Variants in FANCD2 observed in about 807,000 individuals in gnomAD.
The protein encoded by FANCD2 is FA complementation group D2.
A neutral mutation model predicts 192.3 loss-of-function variants in FANCD2; 131 were observed. That is an observed-to-expected ratio of 0.68 (90% CI 0.59 to 0.79). The LOEUF is 0.79. Ranked by LOEUF, FANCD2 falls within the 30% of genes least tolerant of loss-of-function variation. The pLI is 0.00. For missense variants in FANCD2, 1,508 were observed against 1,701.6 expected (o/e 0.89, Z 2.00); for synonymous variants, 524 against 612.5 (o/e 0.86, Z 2.13).
chr3:10,064,719 T>C lies in FANCD2; in HGVS notation c.2022-10T>C. On this transcript the variant is annotated splice_polypyrimidine_tract_variant and intron_variant, in intron 22 of 43. Coordinates refer to ENST00000675286, the MANE Select transcript of FANCD2 (RefSeq NM_001018115.3). ...GAGCTGCAACATCAGATTCTGGTTT[T>C]TCTCCGCAGTGACTTTCCATTTCCT... 2 of 1,614,120 alleles carry C rather than the reference T, an allele frequency of 1.2e-6. No individual in the cohort carries two copies. Among genetic ancestry groups the C allele is most frequent in the Non-Finnish European group, 1.7e-6 (2 of 1,179,988 alleles).
intron 18 of FANCD2, among the ~76,000 whole-genome samples, chr3:10,057,481 C>G (rs946131754): frequency 1.8e-4 from 27 of 152,136 alleles, no homozygotes; most frequent in African/African-American, 6.5e-4. Flanking sequence ...TCTCCTGCCT[C>G]AGCCTCCCGT....
chr3:10,098,748 A>G lies in FANCD2; in HGVS notation c.4214A>G (p.Gln1405Arg), dbSNP rs746871581. 6.2e-7 allele frequency: 1 copy of G among 1,614,086 alleles called. No homozygotes were observed. The highest frequency in any genetic ancestry group is 1.3e-5 in the African/African-American group (1 of 74,932). The change falls in exon 43 of 44, where the codon CAG (glutamine) becomes CGG (arginine). Residue 1405 changes from glutamine to arginine, a missense_variant. Transcript: ENST00000675286. ...QGEEIKSQNS[Q>R]ESTADESEDD... ...GAAGAGATTAAGTCCCAAAATTCCC[A>G]GGAGAGCACAGCAGATGAGAGTGAG...
intron 32 of FANCD2, among the ~76,000 whole-genome samples, chr3:10,084,751 C>T (rs1202916170): frequency 6.6e-6 from 1 of 152,170 alleles, no homozygotes; most frequent in Non-Finnish European, 1.5e-5. Flanking sequence ...GAAGATGCTT[C>T]TAGAGGAGAA....
intron 29 of FANCD2, among the ~76,000 whole-genome samples, chr3:10,077,331 CG>C (rs1331095529): frequency 7.1e-6 from 1 of 140,956 alleles, no homozygotes; most frequent in Non-Finnish European, 1.5e-5. Flanking sequence ...CTGAGACAGG[CG>C]TTATCACCTG....
At chr3:10,051,900 TAGA>T (rs764688577) in intron 17 of FANCD2, among the ~76,000 whole-genome samples, 36 of 151,598 alleles carry the variant, frequency 2.4e-4, no homozygotes, top group Non-Finnish European at 4.3e-4. Context: ...TCCAGATCTG[TAGA>T]GAAAGGAGAA....
intron 25 of FANCD2, among the ~76,000 whole-genome samples, chr3:10,066,787 C>T (rs981343549): frequency 6.6e-6 from 1 of 152,232 alleles, no homozygotes; most frequent in East Asian, 1.9e-4. Context: ...TGCGGTGGCT[C>T]AATCTCGGCT....
chr3:10,087,081 CT>C, intron 33 of FANCD2, 52 bp from the exon 34 acceptor site: 1 of 1,601,044 alleles, frequency 6.2e-7, no homozygotes, highest in Non-Finnish European at 8.6e-7. Flanking sequence ...TTAAATATAT[CT>C]GTGACACATA....
chr3:10,064,684 GC>G (rs1267232866), intron 22 of FANCD2, 44 bp from the exon 23 acceptor site: 1 of 1,607,558 alleles, frequency 6.2e-7, no homozygotes, highest in Non-Finnish European at 8.5e-7. Flanking sequence ...CTGTAGCCTT[GC>G]GTATTCCTGA....
rs138520747 is a variant in FANCD2, at chr3:10,067,207, A to G, written c.2386-2A>G. ...TATGAGAATGTAATTTGTACTTTGC[A>G]GATTGTAAATGCCTTCTGCCAGGAA... On this transcript the variant is annotated splice_acceptor_variant, in intron 25 of 43. Coordinates refer to ENST00000675286, the MANE Select transcript of FANCD2 (RefSeq NM_001018115.3). LOFTEE classifies it high-confidence loss of function. 6.3e-7 allele frequency: 1 copy of G among 1,586,970 alleles called. No homozygotes were observed. The highest frequency in any genetic ancestry group is 8.7e-7 in the Non-Finnish European group (1 of 1,155,648).
intron 30 of FANCD2, among the ~76,000 whole-genome samples, chr3:10,079,948 C>G (rs1344478795): frequency 2.7e-5 from 4 of 150,240 alleles, no homozygotes; most frequent in African/African-American, 4.9e-5. Flanking sequence ...CGGAGTCTTG[C>G]TTTGTTGCCA....
Position 10,101,377 on chromosome 3 carries a change from CTTTT to C in FANCD2, c.*137_*140del, listed in dbSNP as rs950337384. On this transcript the variant is annotated 3_prime_UTR_variant, in exon 44 of 44. Coordinates refer to ENST00000675286, the MANE Select transcript of FANCD2 (RefSeq NM_001018115.3). Reference sequence around the variant, plus strand: ...ACTGGTAGGATCCTTTTTTGTTCCTCTTTTTTTTTTTTTTTTTTTTTTTTTAAAG... The same window carrying C: ...ACTGGTAGGATCCTTTTTTGTTCCTCTTTTTTTTTTTTTTTTTTTTTAAAG... The C allele has an allele frequency of 5.2e-3, 1,985 of 383,136 alleles. 1 individual carries two copies. Among genetic ancestry groups the C allele is most frequent in the Admixed American group, 7.4e-3 (170 of 22,906 alleles). The allele number at this position is 383,136 out of a possible 1,614,324, so 23.7% of individuals were successfully genotyped here. A position where few individuals can be genotyped will look rare whatever the true frequency, so the allele number is the denominator to read the frequency against.
At chr3:10,034,116 A>G (rs536182246) in intron 3 of FANCD2, among the ~76,000 whole-genome samples, 3 of 150,638 alleles carry the variant, frequency 2.0e-5, no homozygotes, top group South Asian at 4.2e-4. Context: ...GAGGTCAGGA[A>G]ATCGAGACCA....
At chr3:10,061,213 C>A (rs1301255053) in intron 19 of FANCD2, among the ~76,000 whole-genome samples, 2 of 152,240 alleles carry the variant, frequency 1.3e-5, no homozygotes, top group Non-Finnish European at 2.9e-5. Flanking sequence ...GCCGTTGTTT[C>A]CTTGCAGTCA....
intron 26 of FANCD2, among the ~76,000 whole-genome samples, 161 bp from the exon 27 acceptor site, chr3:10,072,710 A>G (rs1693321351): frequency 6.6e-6 from 1 of 152,244 alleles, no homozygotes; most frequent in Non-Finnish European, 1.5e-5. Flanking sequence ...CCATTTTGCT[A>G]TGCCAAAACA....
At chr3:10,046,103 G>C (rs1443204735) in intron 14 of FANCD2, among the ~76,000 whole-genome samples, 20 of 141,544 alleles carry the variant, frequency 1.4e-4, no homozygotes, top group African/African-American at 5.6e-4. Flanking sequence ...ACCCAGGCTG[G>C]AGTGCAGTGG....
Position 10,085,841 on chromosome 3 carries a change from AT to A in FANCD2, c.3257del (p.Leu1086TyrfsTer13). 6.2e-7 allele frequency: 1 copy of A among 1,613,726 alleles called. No individual in the cohort carries two copies. The highest frequency in any genetic ancestry group is 8.5e-7 in the Non-Finnish European group (1 of 1,179,676). On this transcript the variant is annotated frameshift_variant, in exon 33 of 44. Coordinates refer to ENST00000675286, the MANE Select transcript of FANCD2 (RefSeq NM_001018115.3). LOFTEE classifies it high-confidence loss of function. Reference sequence around the variant, plus strand: ...GGATTTTCTCAACCTGAAAATCAGAATTTACTGTATTCAGCCCTCCATGTCC... The same window carrying A: ...GGATTTTCTCAACCTGAAAATCAGAATTACTGTATTCAGCCCTCCATGTCC... ...WSGFSQPENQ[N>X]LLYSALHVLS...
At chr3:10,043,966 C>G (rs757168237) in intron 14 of FANCD2, 102 bp downstream of exon 14, 1 of 934,654 alleles carries the variant, frequency 1.1e-6, no homozygotes, top group Non-Finnish European at 1.7e-6. Flanking sequence ...CCTCCAGTCA[C>G]TCTTCTCTCT....
At chr3:10,078,826 G>T (rs368329620) in intron 30 of FANCD2, among the ~76,000 whole-genome samples, 12 of 152,028 alleles carry the variant, frequency 7.9e-5, no homozygotes, top group African/African-American at 2.6e-4. Context: ...AACTAGCCGG[G>T]CATGGTGGTG....
intron 18 of FANCD2, chr3:10,057,929 T>G: frequency 3.6e-6 from 1 of 274,206 alleles, no homozygotes; most frequent in Non-Finnish European, 7.4e-6. Context: ...CATAAAAAAG[T>G]CATGAGATAT....
Sources: gnomAD v4.1 joint callset for allele counts (sites outside exome capture counted in the v4.1 genomes callset) on GRCh38, gnomAD v4.1.1 for gene constraint, MANE v1.5 for transcripts, NCBI Gene and HGNC (gene_info 2026-07-23, HGNC 2026-07-21) for gene names.